Variants in CLNK observed in about 807,000 individuals in gnomAD.
The protein encoded by CLNK is cytokine dependent hematopoietic cell linker.
CLNK carries 74 observed loss-of-function variants against 68.6 expected under a neutral mutation model. The observed-to-expected ratio is 1.08, with a 90% CI of 0.89 to 1.31. The LOEUF (loss-of-function observed/expected upper bound fraction) is 1.31, where lower values mean the gene tolerates loss of function less well. Ranked by LOEUF, CLNK falls within the 50% of genes most tolerant of loss-of-function variation. The probability of loss-of-function intolerance (pLI) is 0.00; values close to 1 mark genes in which losing one functional copy is unlikely to be tolerated. For synonymous variants in CLNK, 198 were observed against 172.2 expected (o/e 1.15, Z -1.17); for missense variants, 553 against 515.3 (o/e 1.07, Z -0.71).
chr4:10,723,882 CAG>C, the CLNK span, among the ~76,000 whole-genome samples: 1,379 of 70,668 alleles, frequency 0.02, 33 homozygotes, highest in African/African-American at 0.029. Context: ...ACACAGGAGT[CAG>C]AGAGAGAGAG....
At chr4:10,629,779 G>A (rs2108867929) in intron 2 of CLNK, among the ~76,000 whole-genome samples, 1 of 152,260 alleles carries the variant, frequency 6.6e-6, no homozygotes, top group South Asian at 2.1e-4. Context: ...GTGAAGGTGA[G>A]CATATCAGTA....
chr4:10,643,421 C>G (rs1723385613), intron 2 of CLNK, among the ~76,000 whole-genome samples: 2 of 152,230 alleles, frequency 1.3e-5, no homozygotes. Flanking sequence ...ATGATGCCTA[C>G]AGTTCAGAAG....
intron 2 of CLNK, among the ~76,000 whole-genome samples, chr4:10,665,383 G>C (rs1454856318): frequency 6.6e-6 from 1 of 152,140 alleles, no homozygotes; most frequent in Non-Finnish European, 1.5e-5. Context: ...AAAAGACATA[G>C]AGTCGGGCGC....
intron 2 of CLNK, among the ~76,000 whole-genome samples, chr4:10,615,546 C>A (rs1179238147): frequency 6.6e-6 from 1 of 150,408 alleles, no homozygotes; most frequent in East Asian, 1.9e-4. Context: ...AACAAAACAC[C>A]AAGAAAGAAA....
intron 11 of CLNK, among the ~76,000 whole-genome samples, chr4:10,533,603 C>G (rs1012146025): frequency 2.6e-5 from 4 of 152,148 alleles, no homozygotes; most frequent in Admixed American, 1.3e-4. Flanking sequence ...CATCTTACCC[C>G]CTGCCTCCCG....
chr4:10,584,780 C>T, intron 4 of CLNK, 147 bp downstream of exon 4: 1 of 846,590 alleles, frequency 1.2e-6, no homozygotes, highest in South Asian at 1.6e-5. Flanking sequence ...TACCCTGGGG[C>T]AACTGGAAGG....
intron 8 of CLNK, among the ~76,000 whole-genome samples, chr4:10,551,508 A>G (rs1023368339): frequency 1.3e-5 from 2 of 151,986 alleles, no homozygotes; most frequent in Non-Finnish European, 2.9e-5. Context: ...GGCTCAAGTG[A>G]TCCACTGGCC....
At chr4:10,650,862 A>C (rs1723702425) in intron 2 of CLNK, among the ~76,000 whole-genome samples, 1 of 152,156 alleles carries the variant, frequency 6.6e-6, no homozygotes, top group African/African-American at 2.4e-5. Context: ...AGAAAAAAAA[A>C]CAAACAACCT....
In CLNK at chr4:10,502,590, G is replaced by A. The variant is rs980573376; in HGVS notation, c.985-1179C>T. ...ATATTTCCTCTTCTGCTTGATGCTC[G>A]GGTATTATTCTAGAGATAGTGGGAG... On this transcript the variant is annotated intron_variant, in intron 17 of 18. Coordinates refer to ENST00000226951, the MANE Select transcript of CLNK (RefSeq NM_052964.4). Among the ~76,000 whole-genome samples, 7 of 151,652 alleles carry A rather than the reference G, an allele frequency of 4.6e-5. No homozygotes were observed. The Admixed American group carries it at 4.6e-4, about 10-fold the overall frequency.
intron 11 of CLNK, among the ~76,000 whole-genome samples, chr4:10,535,213 G>GAAAGAA (rs1390380873): frequency 3.8e-5 from 5 of 131,298 alleles, no homozygotes; most frequent in South Asian, 5.3e-4. Context: ...AAGAAAGAAA[G>GAAAGAA]AGAAAGAAAG....
intron 2 of CLNK, among the ~76,000 whole-genome samples, chr4:10,656,065 G>T (rs1455913109): frequency 6.6e-6 from 1 of 152,000 alleles, no homozygotes; most frequent in Non-Finnish European, 1.5e-5. Flanking sequence ...TCAATTGCAG[G>T]CTATTAAAGA....
chr4:10,586,674 C>T (rs1209436601), intron 3 of CLNK, among the ~76,000 whole-genome samples: 1 of 152,128 alleles, frequency 6.6e-6, no homozygotes, highest in Non-Finnish European at 1.5e-5. Flanking sequence ...TGTGAACACT[C>T]TGGGCCCTTT....
chr4:10,547,947 A>G (rs1719301316), intron 8 of CLNK, among the ~76,000 whole-genome samples: 1 of 152,184 alleles, frequency 6.6e-6, no homozygotes, highest in Non-Finnish European at 1.5e-5. Context: ...TGCTGCCATG[A>G]ACAGAGTGCT....
chr4:10,583,353 C>A (rs1720855856), intron 4 of CLNK, among the ~76,000 whole-genome samples: 1 of 152,042 alleles, frequency 6.6e-6, no homozygotes. Flanking sequence ...GTGGGGTGAT[C>A]TGGGCTCCCT....
At chr4:10,584,469 G>A (rs564947917) in intron 4 of CLNK, among the ~76,000 whole-genome samples, 16 of 152,288 alleles carry the variant, frequency 1.1e-4, no homozygotes, top group South Asian at 6.2e-4. Context: ...TGTTAAGTGC[G>A]TAGTACCAGA....
At chr4:10,582,053 C>A (rs1720803473) in intron 4 of CLNK, among the ~76,000 whole-genome samples, 1 of 152,176 alleles carries the variant, frequency 6.6e-6, no homozygotes, top group Non-Finnish European at 1.5e-5. Flanking sequence ...TGATTTTTAA[C>A]TATTGTAATT....
chr4:10,628,100 G>A (rs900700325), intron 2 of CLNK, among the ~76,000 whole-genome samples: 1 of 152,220 alleles, frequency 6.6e-6, no homozygotes, highest in Admixed American at 6.5e-5. Flanking sequence ...TTTCCAGAAA[G>A]CAGCCTATGG....
At chr4:10,633,476 C>A (rs1281281696) in intron 2 of CLNK, among the ~76,000 whole-genome samples, 16 of 152,220 alleles carry the variant, frequency 1.1e-4, no homozygotes, top group African/African-American at 3.9e-4. Context: ...TCTACATTCT[C>A]CCATTTAATT....
intron 5 of CLNK, among the ~76,000 whole-genome samples, chr4:10,568,710 C>A (rs1560220403): frequency 2.0e-5 from 3 of 152,174 alleles, no homozygotes; most frequent in Non-Finnish European, 4.4e-5. Flanking sequence ...TATGAAACAA[C>A]CCGAAAGAAT....
Sources: gnomAD v4.1 joint callset for allele counts (sites outside exome capture counted in the v4.1 genomes callset) on GRCh38, gnomAD v4.1.1 for gene constraint, MANE v1.5 for transcripts, NCBI Gene and HGNC (gene_info 2026-07-23, HGNC 2026-07-21) for gene names.